UBE2K: variants seen among roughly 807,000 people sequenced by gnomAD.
The protein encoded by UBE2K is ubiquitin-conjugating enzyme E2 K.
Under a neutral mutation model 30.0 loss-of-function variants are expected in UBE2K, and 6 were observed. The ratio of observed to expected loss-of-function variants is 0.20; its 90% CI spans 0.11 to 0.39. The LOEUF (loss-of-function observed/expected upper bound fraction) is 0.39. UBE2K is among the 10% of genes least tolerant of loss of function. The probability of loss-of-function intolerance (pLI) is 1.00; values close to 1 mark genes in which losing one functional copy is unlikely to be tolerated. For synonymous variants in UBE2K, 86 were observed against 83.7 expected (o/e 1.03, Z -0.15); for missense variants, 61 against 241.6 (o/e 0.25, Z 4.96).
chr4:39,728,196 C>G (rs1450343014), intron 1 of UBE2K, among the ~76,000 whole-genome samples: 2 of 152,084 alleles, frequency 1.3e-5, no homozygotes, highest in Admixed American at 1.3e-4. Context: ...TAAAACCTGG[C>G]TTCACTGATT....
At chr4:39,729,981 TTATA>T (rs1719981326) in intron 1 of UBE2K, among the ~76,000 whole-genome samples, 4 of 152,248 alleles carry the variant, frequency 2.6e-5, no homozygotes, top group Admixed American at 1.3e-4. Context: ...CATTTAAAAA[TTATA>T]TAATTAGTTC....
At chr4:39,704,327 T>C (rs1718207455) in intron 1 of UBE2K, among the ~76,000 whole-genome samples, 1 of 152,090 alleles carries the variant, frequency 6.6e-6, no homozygotes, top group South Asian at 2.1e-4. Context: ...TTGAAAGTTA[T>C]GTAAGTTACA....
At chr4:39,719,460 T>A (rs1464950382) in intron 1 of UBE2K, among the ~76,000 whole-genome samples, 1 of 152,206 alleles carries the variant, frequency 6.6e-6, no homozygotes, top group Admixed American at 6.5e-5. Flanking sequence ...CCTTAGTAAT[T>A]TAAAGCACAC....
chr4:39,780,186 A>G lies in UBE2K; in HGVS notation c.*1752A>G, dbSNP rs1369736082. ...CTGTAGTTTATTTTCTAAAGATGCC[A>G]AAGGAAACAAGATTTTTCTTTATTT... is the stretch of plus-strand genomic sequence containing the variant. On this transcript the variant is annotated 3_prime_UTR_variant, in exon 7 of 7. Coordinates refer to ENST00000261427, the MANE Select transcript of UBE2K (RefSeq NM_005339.5). 1 of 152,162 alleles carries G rather than the reference A, an allele frequency of 6.6e-6. No individual in the cohort carries two copies. Among genetic ancestry groups the G allele is most frequent in the Non-Finnish European group, 1.5e-5 (1 of 68,008 alleles). The allele number at this position is 152,162 out of a possible 1,614,324, so 9.4% of individuals were successfully genotyped here.
intron 1 of UBE2K, among the ~76,000 whole-genome samples, chr4:39,715,262 T>G (rs1718992635): frequency 6.6e-6 from 1 of 151,838 alleles, no homozygotes; most frequent in South Asian, 2.1e-4. Flanking sequence ...TCTCCTGACC[T>G]CGTGATCCAC....
intron 1 of UBE2K, among the ~76,000 whole-genome samples, chr4:39,736,347 A>G (rs1274170314): frequency 6.6e-6 from 1 of 152,212 alleles, no homozygotes; most frequent in Non-Finnish European, 1.5e-5. Context: ...CTGTAATCCC[A>G]GCTACTCAGG....
chr4:39,740,584 C>T (rs1354658146), intron 2 of UBE2K, among the ~76,000 whole-genome samples: 1 of 150,532 alleles, frequency 6.6e-6, no homozygotes, highest in Non-Finnish European at 1.5e-5. Context: ...TTCTTATGGC[C>T]GAGTGCGGTG....
chr4:39,770,183 G>C, intron 4 of UBE2K: 4 of 1,608,970 alleles, frequency 2.5e-6, no homozygotes, highest in Non-Finnish European at 3.4e-6. Context: ...TGGCAGGCTT[G>C]TGGGCGAAGC....
At chr4:39,771,066 G>T in intron 4 of UBE2K, 1 of 1,612,460 alleles carries the variant, frequency 6.2e-7, no homozygotes, top group Non-Finnish European at 8.5e-7. Context: ...CAGTGAACTG[G>T]CTGAGGGCAT....
At chr4:39,710,100 CGAA>C (rs1276271573) in intron 1 of UBE2K, 1 of 151,752 alleles carries the variant, frequency 6.6e-6, no homozygotes, top group Non-Finnish European at 1.5e-5. Flanking sequence ...GCTAGTCAAA[CGAA>C]GCAGTGGAAA....
At chr4:39,749,836 GTATGATAAGGGAGTT>G (rs1257953514) in intron 3 of UBE2K, among the ~76,000 whole-genome samples, 3 of 152,132 alleles carry the variant, frequency 2.0e-5, no homozygotes, top group Non-Finnish European at 4.4e-5. Context: ...ATTTTCTTTT[GTATGATAAGGGAGTT>G]AAAGCTGGCT....
chr4:39,701,736 T>G (rs188248512), intron 1 of UBE2K, among the ~76,000 whole-genome samples: 2 of 152,044 alleles, frequency 1.3e-5, no homozygotes. Flanking sequence ...AACTTTAAGA[T>G]GTACTTGAAT....
At position 39,745,299 on chromosome 4, in the gene UBE2K, T is replaced by C. The variant is rs530067468; in HGVS notation, c.158-453T>C. Among the ~76,000 whole-genome samples the C allele has an allele frequency of 7.2e-5, 11 of 152,338 alleles. No homozygotes were observed. In the South Asian group the frequency reaches 2.3e-3, roughly 32 times the overall value. On this transcript the variant is annotated intron_variant, in intron 2 of 6. Coordinates refer to ENST00000261427, the MANE Select transcript of UBE2K (RefSeq NM_005339.5). ...TTCATTTGCGAGAACCAGCTAGAAG[T>C]AGAATTTTGTTTATGGCATAATCTC...
At chr4:39,742,939 A>G (rs923658485) in intron 2 of UBE2K, among the ~76,000 whole-genome samples, 1 of 151,934 alleles carries the variant, frequency 6.6e-6, no homozygotes, top group Non-Finnish European at 1.5e-5. Context: ...CCAGTTACTC[A>G]GGAGACTGAG....
intron 1 of UBE2K, among the ~76,000 whole-genome samples, chr4:39,733,063 A>AC (rs1409961266): frequency 6.6e-6 from 1 of 150,964 alleles, no homozygotes; most frequent in African/African-American, 2.4e-5. Flanking sequence ...AAAAAAAAAA[A>AC]AAAAAAAAAA....
At chr4:39,702,947 C>T (rs1273061589) in intron 1 of UBE2K, among the ~76,000 whole-genome samples, 5 of 152,014 alleles carry the variant, frequency 3.3e-5, no homozygotes, top group Non-Finnish European at 7.4e-5. Context: ...TTGCTGGATG[C>T]ATCAACTAAA....
At chr4:39,734,874 A>C (rs1473327658) in intron 1 of UBE2K, among the ~76,000 whole-genome samples, 2 of 152,188 alleles carry the variant, frequency 1.3e-5, no homozygotes, top group African/African-American at 4.8e-5. Context: ...ATGAAAAGGA[A>C]TAATTATTTA....
At chr4:39,730,964 C>T (rs1218857301) in intron 1 of UBE2K, among the ~76,000 whole-genome samples, 2 of 151,844 alleles carry the variant, frequency 1.3e-5, no homozygotes, top group Non-Finnish European at 2.9e-5. Flanking sequence ...GAGTGTGCCA[C>T]TATGTCCAGT....
intron 2 of UBE2K, among the ~76,000 whole-genome samples, chr4:39,742,182 C>T (rs1270111559): frequency 6.7e-6 from 1 of 149,690 alleles, no homozygotes; most frequent in Non-Finnish European, 1.5e-5. Context: ...GGAGTTTAAT[C>T]AGAAAAAAAA....
Sources: allele counts gnomAD v4.1 joint callset (sites outside exome capture counted in the v4.1 genomes callset), GRCh38; gene constraint gnomAD v4.1.1; transcripts MANE v1.5; gene names NCBI Gene and HGNC (gene_info 2026-07-23, HGNC 2026-07-21).